Variants in SNX10 observed in about 807,000 individuals in gnomAD.
The protein encoded by SNX10 is sorting nexin 10.
A neutral mutation model predicts 28.5 loss-of-function variants in SNX10; 25 were observed. That is an observed-to-expected ratio of 0.88 (90% CI 0.64 to 1.22). The LOEUF is 1.22. SNX10 is among the 50% of genes most tolerant of loss of function. SNX10 has a pLI of 0.00. For missense variants in SNX10, 223 were observed against 242.6 expected, an observed-to-expected ratio of 0.92 and a Z score of 0.54; for synonymous variants, 62 against 81.4, an observed-to-expected ratio of 0.76 and a Z score of 1.28.
intron 2 of SNX10, among the ~76,000 whole-genome samples, chr7:26,353,460 TG>T (rs371699790): frequency 6.4e-4 from 53 of 83,400 alleles, no homozygotes; most frequent in Middle Eastern, 8.9e-3. Context: ...TTTTTTTTTT[TG>T]GTGGGGAGAC....
At chr7:26,310,231 C>T (rs779091152) in intron 1 of SNX10, among the ~76,000 whole-genome samples, 61 of 152,132 alleles carry the variant, frequency 4.0e-4, no homozygotes, top group Non-Finnish European at 6.6e-4. Context: ...GGTGGTTGGG[C>T]GGCTTAGAAA....
chr7:26,304,297 T>C (rs2698723), intron 1 of SNX10, among the ~76,000 whole-genome samples: 135,691 of 152,258 alleles, frequency 0.89, 60,848 homozygotes, highest in Non-Finnish European at 0.95. Context: ...ACTTCTGAGC[T>C]CTCTGAAGGT....
chr7:26,310,978 T>C lies in SNX10; in HGVS notation c.-24+18892T>C, dbSNP rs146127904. ...GATTACAGGCGTGAGCCACCGTGCC[T>C]GGCCAAGCTGAGGAACTATTAATAG... On this transcript the variant is annotated intron_variant, in intron 1 of 6. Coordinates refer to ENST00000338523, the MANE Select transcript of SNX10 (RefSeq NM_013322.3). 4.5e-3 allele frequency among the ~76,000 whole-genome samples: 690 copies of C among 152,162 alleles called. 7 individuals carry two copies. The highest frequency in any genetic ancestry group is 0.016 in the African/African-American group (644 of 41,528).
At chr7:26,330,407 C>T (rs1787694244) in intron 1 of SNX10, among the ~76,000 whole-genome samples, 1 of 151,944 alleles carries the variant, frequency 6.6e-6, no homozygotes, top group South Asian at 2.1e-4. Flanking sequence ...TCTGCTGGTC[C>T]TGGGATAGAG....
chr7:26,341,269 A>G (rs918431078), intron 1 of SNX10, among the ~76,000 whole-genome samples: 5 of 152,182 alleles, frequency 3.3e-5, no homozygotes, highest in African/African-American at 9.7e-5. Context: ...ACTGCATTCT[A>G]GCCTGGGTGA....
intron 2 of SNX10, among the ~76,000 whole-genome samples, chr7:26,348,293 C>T (rs1788467540): frequency 6.6e-6 from 1 of 152,128 alleles, no homozygotes; most frequent in South Asian, 2.1e-4. Flanking sequence ...AAATACCCGC[C>T]CATGAAGTTA....
chr7:26,323,404 A>G (rs1787379198), intron 1 of SNX10, among the ~76,000 whole-genome samples: 1 of 152,188 alleles, frequency 6.6e-6, no homozygotes, highest in Non-Finnish European at 1.5e-5. Context: ...AAAGCATTCC[A>G]AGAAGAGGGC....
intron 1 of SNX10, among the ~76,000 whole-genome samples, chr7:26,317,736 C>T (rs545842727): frequency 6.7e-6 from 1 of 148,560 alleles, no homozygotes; most frequent in South Asian, 2.1e-4. Context: ...GATCTCGGCT[C>T]ACTGGAACCT....
chr7:26,351,744 C>T (rs1015653603), intron 2 of SNX10, among the ~76,000 whole-genome samples: 5 of 149,882 alleles, frequency 3.3e-5, no homozygotes, highest in African/African-American at 1.2e-4. Flanking sequence ...GCAAGCTCCA[C>T]CTCCCGGGTT....
rs565468330 is a variant in SNX10 at position 26,348,059 on chromosome 7, C to T, written c.24+1593C>T. On this transcript the variant is annotated intron_variant, in intron 2 of 6. Transcript: ENST00000338523. ...CCTCCCAAAGAGCTGGGATTGCAGA[C>T]ATGAGCCACTGATCATGGCCTAAAT... Among the ~76,000 whole-genome samples the T allele has an allele frequency of 3.9e-5, 6 of 152,298 alleles. No homozygotes were observed. In the East Asian group the frequency reaches 1.2e-3, roughly 29 times the overall value.
intron 1 of SNX10, among the ~76,000 whole-genome samples, chr7:26,299,057 A>G (rs1786218658): frequency 6.6e-6 from 1 of 152,230 alleles, no homozygotes; most frequent in Non-Finnish European, 1.5e-5. Flanking sequence ...TAATGAAAGC[A>G]AAGTGGAAGA....
chr7:26,366,395 G>T (rs1263356761), intron 5 of SNX10, among the ~76,000 whole-genome samples: 1 of 152,198 alleles, frequency 6.6e-6, no homozygotes, highest in Non-Finnish European at 1.5e-5. Context: ...GGGAGAGTGG[G>T]CCAATGAAGA....
At chr7:26,340,545 C>T (rs184268479) in intron 1 of SNX10, among the ~76,000 whole-genome samples, 9 of 152,298 alleles carry the variant, frequency 5.9e-5, no homozygotes, top group African/African-American at 2.2e-4. Context: ...AGGAAGCTTT[C>T]TCCTCGAGTT....
At chr7:26,302,541 C>T (rs10271591) in intron 1 of SNX10, among the ~76,000 whole-genome samples, 3,907 of 152,296 alleles carry the variant, frequency 0.026, 136 homozygotes, top group East Asian at 0.083. Context: ...ACAGTACGCC[C>T]CAGCCTGGCC....
At chr7:26,338,785 C>T (rs187454375) in intron 1 of SNX10, among the ~76,000 whole-genome samples, 14 of 152,126 alleles carry the variant, frequency 9.2e-5, no homozygotes, top group Non-Finnish European at 1.5e-4. Flanking sequence ...GAGATGGAAT[C>T]GTAGGGGGGT....
Position 26,369,756 on chromosome 7 carries a change from G to A in SNX10, c.312-2065G>A, listed in dbSNP as rs575982301. Among the ~76,000 whole-genome samples, 21 of 152,162 alleles carry A rather than the reference G, an allele frequency of 1.4e-4. No individual in the cohort carries two copies. The East Asian group carries it at 3.9e-3, about 28-fold the overall frequency. On this transcript the variant is annotated intron_variant, in intron 5 of 6. Coordinates refer to ENST00000338523, the MANE Select transcript of SNX10 (RefSeq NM_013322.3). Reference sequence around the variant, plus strand: ...GTATTGAGCAGAAAAAGAAAACGCTGGGAAATAATGAGTCTAATGTACAGT... The same window carrying A: ...GTATTGAGCAGAAAAAGAAAACGCTAGGAAATAATGAGTCTAATGTACAGT...
Position 26,300,882 on chromosome 7 carries a change from G to A in SNX10, c.-24+8796G>A, listed in dbSNP as rs150498219. Among the ~76,000 whole-genome samples the A allele has an allele frequency of 6.5e-3, 984 of 152,014 alleles. 11 individuals carry two copies. The highest frequency in any genetic ancestry group is 0.023 in the African/African-American group (935 of 41,444). ...AAAAATACAAAAATTAGCCAGGTGT[G>A]GTGGCGAGCACCTGTAGTCCCAGCT... On this transcript the variant is annotated intron_variant, in intron 1 of 6. Transcript: ENST00000338523.
chr7:26,333,322 C>CTTTTTT (rs10636369), intron 1 of SNX10, among the ~76,000 whole-genome samples: 2 of 113,702 alleles, frequency 1.8e-5, no homozygotes, highest in Non-Finnish European at 3.6e-5. Context: ...GTATTTTATT[C>CTTTTTT]TTTTTTTTTT....
At chr7:26,308,629 T>C (rs991956994) in intron 1 of SNX10, among the ~76,000 whole-genome samples, 1 of 152,150 alleles carries the variant, frequency 6.6e-6, no homozygotes, top group African/African-American at 2.4e-5. Context: ...GTCCTGTGCG[T>C]CTCCATCTGT....
Sources: allele counts gnomAD v4.1 joint callset (sites outside exome capture counted in the v4.1 genomes callset), GRCh38; gene constraint gnomAD v4.1.1; transcripts MANE v1.5; gene names NCBI Gene and HGNC (gene_info 2026-07-23, HGNC 2026-07-21).